The following EFCAB12 variants were observed in gnomAD, a reference collection of about 807,000 sequenced individuals.
The protein encoded by EFCAB12 is EF-hand calcium binding domain 12.
Under a neutral mutation model 53.6 loss-of-function variants are expected in EFCAB12, and 43 were observed. The ratio of observed to expected loss-of-function variants is 0.80; its 90% CI spans 0.63 to 1.03. The LOEUF is 1.03. Among genes scored for constraint, EFCAB12 ranks in the 50% least tolerant of loss-of-function variants. The probability of loss-of-function intolerance (pLI) is 0.00; values close to 1 mark genes in which losing one functional copy is unlikely to be tolerated. For missense variants in EFCAB12, 646 were observed against 730.6 expected, an observed-to-expected ratio of 0.88 and a Z score of 1.34; for synonymous variants, 269 against 289.2, an observed-to-expected ratio of 0.93 and a Z score of 0.71.
chr3:129,419,006 G>GCT (rs2072156262), intron 2 of EFCAB12, among the ~76,000 whole-genome samples: 1 of 152,110 alleles, frequency 6.6e-6, no homozygotes, highest in African/African-American at 2.4e-5. Context: ...GTTCCTCTGT[G>GCT]CTCCTCCCAG....
At chr3:129,404,196 G>T (rs1488935276) in intron 7 of EFCAB12, 54 bp downstream of exon 7, 14 of 1,576,554 alleles carry the variant, frequency 8.9e-6, no homozygotes, top group Non-Finnish European at 1.2e-5. Context: ...ACACTGAAGG[G>T]ATAGCAATGG....
chr3:129,401,545 A>G lies in EFCAB12; in HGVS notation c.*48T>C. ...GTCTGGGCTCTGGGCCGCTGGCTGC[A>G]CTGGCCCCTGGCCCAGGAAGGCTGG... On this transcript the variant is annotated 3_prime_UTR_variant, in exon 9 of 9. Coordinates refer to ENST00000505956, the MANE Select transcript of EFCAB12 (RefSeq NM_207307.3). 1 of 1,476,176 alleles carries G rather than the reference A, an allele frequency of 6.8e-7. No individual in the cohort carries two copies. Among genetic ancestry groups the G allele is most frequent in the Non-Finnish European group, 9.0e-7 (1 of 1,106,710 alleles). 91.4% of individuals were successfully genotyped at this position (1,476,176 alleles called of 1,614,324 possible).
Position 129,428,623 on chromosome 3 carries a change from A to C in EFCAB12, c.-135T>G. ...GCGAAAGGCGCTCAGCTCAGACTGC[A>C]GAAGCAACCTGTTGCCGTGGCTACG... On this transcript the variant is annotated 5_prime_UTR_variant, in exon 1 of 9. Transcript: ENST00000505956. The C allele has an allele frequency of 1.8e-6, 2 of 1,093,038 alleles. No individual in the cohort carries two copies. Among genetic ancestry groups the C allele is most frequent in the Middle Eastern group, 2.1e-4 (1 of 4,800 alleles). The allele number at this position is 1,093,038 out of a possible 1,614,324, so 67.7% of individuals were successfully genotyped here. A position where few individuals can be genotyped will look rare whatever the true frequency, so the allele number is the denominator to read the frequency against.
chr3:129,422,422 C>T lies in EFCAB12; in HGVS notation c.50-619G>A, dbSNP rs186223216. 2.0e-3 allele frequency among the ~76,000 whole-genome samples: 308 copies of T among 152,192 alleles called. 1 individual carries two copies. The highest frequency in any genetic ancestry group is 7.1e-3 in the African/African-American group (294 of 41,520). ...ATAACCTTAAAATGAAGTCCCGGGC[C>T]CCTCTTCTGTCAACCTGTCCCCCTA... On this transcript the variant is annotated intron_variant, in intron 1 of 8. Coordinates refer to ENST00000505956, the MANE Select transcript of EFCAB12 (RefSeq NM_207307.3).
At chr3:129,424,715 G>C (rs2072250123) in intron 1 of EFCAB12, among the ~76,000 whole-genome samples, 1 of 152,182 alleles carries the variant, frequency 6.6e-6, no homozygotes, top group Admixed American at 6.5e-5. Context: ...TTCCCAGCAG[G>C]GGATGACTGA....
At chr3:129,426,530 A>T (rs1224265941) in intron 1 of EFCAB12, among the ~76,000 whole-genome samples, 1 of 151,312 alleles carries the variant, frequency 6.6e-6, no homozygotes, top group East Asian at 1.9e-4. Context: ...ACGACCGGCT[A>T]ATTTTTTGTA....
In EFCAB12 at chr3:129,421,988, G is replaced by A. The variant is rs561441283; in HGVS notation, c.50-185C>T. On this transcript the variant is annotated intron_variant, in intron 1 of 8. Coordinates refer to ENST00000505956, the MANE Select transcript of EFCAB12 (RefSeq NM_207307.3). ...ATGTTACCGGGTGCTCCCAACAGCA[G>A]GCAGCAAGCTAAGGGCTCTATATGC... 2.0e-5 allele frequency among the ~76,000 whole-genome samples: 3 copies of A among 152,298 alleles called. No homozygotes were observed. The South Asian group carries it at 6.2e-4, about 32-fold the overall frequency.
At chr3:129,411,551 G>A in intron 4 of EFCAB12, 197 bp from the exon 5 acceptor site, 1 of 510,316 alleles carries the variant, frequency 2.0e-6, no homozygotes, top group Non-Finnish European at 3.4e-6. Context: ...CTCCACTAAT[G>A]GCGTCCCTTA....
At chr3:129,404,995 G>A (rs978922831) in intron 6 of EFCAB12, among the ~76,000 whole-genome samples, 1 of 152,080 alleles carries the variant, frequency 6.6e-6, no homozygotes, top group African/African-American at 2.4e-5. Flanking sequence ...TAAATTTTTA[G>A]TAGAGATGGG....
Position 129,428,625 on chromosome 3 carries a change from A to C in EFCAB12, c.-137T>G, listed in dbSNP as rs1227053794. On this transcript the variant is annotated 5_prime_UTR_variant, in exon 1 of 9. Coordinates refer to ENST00000505956, the MANE Select transcript of EFCAB12 (RefSeq NM_207307.3). ...GAAAGGCGCTCAGCTCAGACTGCAG[A>C]AGCAACCTGTTGCCGTGGCTACGGA... The C allele has an allele frequency of 1.0e-5, 11 of 1,083,886 alleles. No homozygotes were observed. Among genetic ancestry groups the C allele is most frequent in the African/African-American group, 3.2e-5 (2 of 62,302 alleles). The allele number at this position is 1,083,886 out of a possible 1,614,324, so 67.1% of individuals were successfully genotyped here.
intron 3 of EFCAB12, 121 bp downstream of exon 3, chr3:129,418,133 G>A (rs2072141287): frequency 1.1e-6 from 1 of 912,118 alleles, no homozygotes; most frequent in Non-Finnish European, 1.6e-6. Flanking sequence ...TGCACTCCTT[G>A]TGTCTACTTC....
At chr3:129,423,624 C>A (rs1041019275) in intron 1 of EFCAB12, among the ~76,000 whole-genome samples, 3 of 151,656 alleles carry the variant, frequency 2.0e-5, no homozygotes, top group African/African-American at 7.3e-5. Flanking sequence ...GACCCTTTTT[C>A]AAAAAAATTT....
intron 6 of EFCAB12, among the ~76,000 whole-genome samples, chr3:129,405,822 AT>A (rs1014773497): frequency 1.3e-5 from 2 of 152,134 alleles, no homozygotes; most frequent in African/African-American, 4.8e-5. Context: ...TCAGAGATGG[AT>A]TTGGGCCTAG....
chr3:129,418,961 A>C (rs1430730990), intron 2 of EFCAB12, among the ~76,000 whole-genome samples: 1 of 152,170 alleles, frequency 6.6e-6, no homozygotes, highest in Non-Finnish European at 1.5e-5. Flanking sequence ...AGCACTGGGC[A>C]GTTTACAAAG....
At chr3:129,417,307 G>C (rs1486374188) in intron 3 of EFCAB12, among the ~76,000 whole-genome samples, 13 of 119,090 alleles carry the variant, frequency 1.1e-4, no homozygotes, top group Admixed American at 2.0e-4. Flanking sequence ...CCTGGTGACA[G>C]AGTGAGACTC....
chr3:129,424,198 G>T (rs1425517521), intron 1 of EFCAB12, among the ~76,000 whole-genome samples: 1 of 152,166 alleles, frequency 6.6e-6, no homozygotes, highest in Non-Finnish European at 1.5e-5. Context: ...CAGTACATTT[G>T]TTAAGTCTCT....
chr3:129,419,545 C>T (rs1338664266), intron 2 of EFCAB12, among the ~76,000 whole-genome samples: 1 of 152,150 alleles, frequency 6.6e-6, no homozygotes, highest in Non-Finnish European at 1.5e-5. Flanking sequence ...GAAGAGGGCT[C>T]GTTATCATGA....
intron 6 of EFCAB12, among the ~76,000 whole-genome samples, chr3:129,406,088 A>G (rs2071946955): frequency 6.6e-6 from 1 of 151,356 alleles, no homozygotes; most frequent in African/African-American, 2.4e-5. Context: ...TGGTGGGGAC[A>G]GACAAAGAAG....
rs768550235 is a variant in EFCAB12, at chr3:129,421,660, T to C, written c.193A>G (p.Lys65Glu). Residue 65 changes from lysine to glutamate, a missense_variant, in exon 2 of 9, where the codon AAG becomes GAG. By Grantham distance (56) the Lys-to-Glu change is moderately conservative. Transcript: ENST00000505956. ...GGATTAAGGGGTGTCTGATCCTCCTTGCGAGGCACCATGATGATTCGCCGG... is the reference window on the plus strand; with the variant it reads ...GGATTAAGGGGTGTCTGATCCTCCTCGCGAGGCACCATGATGATTCGCCGG... ...TRRRIIMVPR[K>E]EDQTPLNPAS... The C allele has an allele frequency of 8.7e-6, 14 of 1,613,956 alleles. No homozygotes were observed. The South Asian group carries it at 1.5e-4, about 18-fold the overall frequency.
Sources: gnomAD v4.1 joint callset for allele counts (sites outside exome capture counted in the v4.1 genomes callset) on GRCh38, gnomAD v4.1.1 for gene constraint, MANE v1.5 for transcripts, NCBI Gene and HGNC (gene_info 2026-07-23, HGNC 2026-07-21) for gene names.